The following AMPD1 variants were observed in gnomAD, a reference collection of about 807,000 sequenced individuals.
AMPD1 encodes AMP deaminase 1.
Under a neutral mutation model 82.9 loss-of-function variants are expected in AMPD1, and 74 were observed. That is an observed-to-expected ratio of 0.89 (90% confidence interval 0.74 to 1.08). AMPD1 has a LOEUF of 1.08. Among genes scored for constraint, AMPD1 ranks in the 50% least tolerant of loss-of-function variants. AMPD1 has a pLI of 0.00. For synonymous variants in AMPD1, 333 were observed against 320.5 expected (o/e 1.04, Z -0.42); for missense variants, 881 against 924.5 (o/e 0.95, Z 0.61).
chr1:114,673,773 A>G, intron 14 of AMPD1, 24 bp from the exon 15 acceptor site: 1 of 1,590,386 alleles, frequency 6.3e-7, no homozygotes, highest in Non-Finnish European at 8.6e-7. Flanking sequence ...AAATGAGGAA[A>G]AAAGAGGAGT....
rs762567932 is a variant in AMPD1 at position 114,673,996 on chromosome 1, A to G, written c.1887T>C (p.Tyr629=). ...PLSNNSLFLE[Y]AKNPFLDFLQ... is the part of the protein sequence containing the mutation. ...GGAAATCCAAAAAAGGATTTTTGGC[A>G]TACTCTAGAAATAGGCTATTGTTAC... Residue 629 remains tyrosine (Y), a synonymous_variant, in exon 14 of 16, where the codon TAT becomes TAC. Coordinates refer to ENST00000520113, the MANE Select transcript of AMPD1 (RefSeq NM_000036.3). 1 of 1,613,996 alleles carries G rather than the reference A, an allele frequency of 6.2e-7. No individual in the cohort carries two copies. The highest frequency in any genetic ancestry group is 2.2e-5 in the East Asian group (1 of 44,872).
At chr1:114,674,330 C>T (rs1180311136) in intron 13 of AMPD1, among the ~76,000 whole-genome samples, 5 of 152,024 alleles carry the variant, frequency 3.3e-5, no homozygotes, top group African/African-American at 1.2e-4. Context: ...CTATAATGGC[C>T]TACGTTAGAT....
In AMPD1 at chr1:114,686,540, T is replaced by C. The variant is rs74113509; in HGVS notation, c.381+205A>G. Among the ~76,000 whole-genome samples, 6,450 of 152,248 alleles carry C rather than the reference T, an allele frequency of 0.042. 157 individuals are homozygous for C. The highest frequency in any genetic ancestry group is 0.09 in the South Asian group (433 of 4,830). On this transcript the variant is annotated intron_variant, in intron 4 of 15. Transcript: ENST00000520113. ...ATTCTCCATGTGCAAGCAAATGAGA[T>C]AGAGGATAAATTATGTGGGATGATA... is the stretch of plus-strand genomic sequence containing the variant.
In AMPD1 at chr1:114,684,208, A is replaced by G. The variant is rs777043982; in HGVS notation, c.538T>C (p.Phe180Leu). The G allele has an allele frequency of 1.7e-5, 27 of 1,614,064 alleles. No homozygotes were observed. Among genetic ancestry groups the G allele is most frequent in the African/African-American group, 2.7e-5 (2 of 74,922 alleles). The stretch of plus-strand genomic sequence containing the variant: ...GTAAGAGAATTGTTACCTGGATAGA[A>G]GCTCTCATTTGCTACCCAAGCCTCA... ...DGEAWVANES[F>L]YPVFTPPVKK... The change falls in exon 5 of 16, where the codon TTC (phenylalanine) becomes CTC (leucine). Residue 180 changes from phenylalanine to leucine, a missense_variant. This residue lies in a region of AMPD1 where 783 missense variants were observed against 786.4 expected (regional missense o/e 1.00). Coordinates refer to ENST00000520113, the MANE Select transcript of AMPD1 (RefSeq NM_000036.3).
At chr1:114,685,608 G>A (rs999734393) in intron 4 of AMPD1, among the ~76,000 whole-genome samples, 2 of 151,934 alleles carry the variant, frequency 1.3e-5, no homozygotes, top group African/African-American at 4.8e-5. Context: ...AGCTTTCACA[G>A]GAGGAGAAGT....
intron 2 of AMPD1, chr1:114,688,949 G>A (rs1171510460): frequency 1.3e-6 from 1 of 752,850 alleles, no homozygotes; most frequent in South Asian, 1.4e-5. Context: ...CAGAAACATG[G>A]GTCAGATTCT....
rs1658118010 is a variant in AMPD1, at chr1:114,680,298, T to C, written c.728A>G (p.Asp243Gly). The stretch of plus-strand genomic sequence containing the variant: ...AATTAAAGCAAGTAAAAAATTCATA[T>C]CGTCTAAGAAGGTGTCCAGATTTGG... ...PYPNLDTFLD[D>G]MNFLLALIAQ... The change falls in exon 6 of 16, where the codon GAT becomes GGT. Residue 243 changes from aspartate (D) to glycine (G), a missense_variant. This residue lies in a region of AMPD1 where 783 missense variants were observed against 786.4 expected (regional missense o/e 1.00). Coordinates refer to ENST00000520113, the MANE Select transcript of AMPD1 (RefSeq NM_000036.3). 6.2e-7 allele frequency: 1 copy of C among 1,614,038 alleles called. No individual in the cohort carries two copies. The highest frequency in any genetic ancestry group is 8.5e-7 in the Non-Finnish European group (1 of 1,180,046).
In AMPD1 at chr1:114,693,926, G is replaced by A. The variant is rs1057117746; in HGVS notation, c.23-479C>T. On this transcript the variant is annotated intron_variant, in intron 1 of 15. Coordinates refer to ENST00000520113, the MANE Select transcript of AMPD1 (RefSeq NM_000036.3). ...CTTAAAAAAACCATAAAGAGGCCGG[G>A]TGCAGTGGCTCACGCCTATAATCCT... Among the ~76,000 whole-genome samples, 3 of 152,320 alleles carry A rather than the reference G, an allele frequency of 2.0e-5. No homozygotes were observed. The South Asian group carries it at 6.2e-4, about 32-fold the overall frequency.
rs796921662 is a variant in AMPD1, at chr1:114,691,920, G to A, written c.34+1516C>T. ...AGCCTGGGCGACAGAGCAAGACTCC[G>A]TCTCAAAAATAAAAATAAAAATTAA... On this transcript the variant is annotated intron_variant, in intron 2 of 15. Transcript: ENST00000520113. Among the ~76,000 whole-genome samples, 9 of 151,912 alleles carry A rather than the reference G, an allele frequency of 5.9e-5. No homozygotes were observed. The South Asian group carries it at 6.2e-4, about 11-fold the overall frequency.
Position 114,673,217 on chromosome 1 carries a change from T to C in AMPD1, c.2141A>G (p.Asp714Gly), listed in dbSNP as rs1163392582. The change falls in exon 16 of 16, where the codon GAT becomes GGT. Residue 714 changes from aspartate to glycine, a missense_variant. Physicochemically the swap from Asp to Gly is moderately conservative, Grantham distance 94. Coordinates refer to ENST00000520113, the MANE Select transcript of AMPD1 (RefSeq NM_000036.3). The part of the protein sequence containing the change: ...NYLEEGPAGN[D>G]IRRTNVAQIR... ...TTGGGCTACATTTGTCCTCCGGATA[T>C]CATTTCCAGCAGGGCCTTCCTCAAG... 4 of 1,614,054 alleles carry C rather than the reference T, an allele frequency of 2.5e-6. No homozygotes were observed. The highest frequency in any genetic ancestry group is 2.7e-5 in the African/African-American group (2 of 74,928).
At chr1:114,685,792 C>T (rs890529521) in intron 4 of AMPD1, among the ~76,000 whole-genome samples, 1 of 152,068 alleles carries the variant, frequency 6.6e-6, no homozygotes, top group Non-Finnish European at 1.5e-5. Flanking sequence ...TAGGCATTTC[C>T]TTTTAGTTAT....
intron 6 of AMPD1, 131 bp downstream of exon 6, chr1:114,680,128 G>A (rs944911700): frequency 2.3e-6 from 2 of 852,748 alleles, no homozygotes; most frequent in Non-Finnish European, 3.9e-6. Flanking sequence ...TGCATGAAGG[G>A]CTTAATACAG....
chr1:114,687,912 A>T (rs767727730), intron 3 of AMPD1, among the ~76,000 whole-genome samples: 1 of 152,132 alleles, frequency 6.6e-6, no homozygotes, highest in Admixed American at 6.5e-5. Flanking sequence ...GTCCCAGTTT[A>T]TATTACCATT....
At chr1:114,684,696 A>G (rs567357206) in intron 4 of AMPD1, among the ~76,000 whole-genome samples, 1 of 152,354 alleles carries the variant, frequency 6.6e-6, no homozygotes, top group African/African-American at 2.4e-5. Context: ...AACATGGTAT[A>G]TACTTTCTTC....
chr1:114,686,683 C>T, intron 4 of AMPD1, 62 bp downstream of exon 4: 2 of 1,571,888 alleles, frequency 1.3e-6, no homozygotes, highest in Non-Finnish European at 1.8e-6. Context: ...AGGCAAGGAG[C>T]TAGAACTGTC....
At position 114,675,700 on chromosome 1, in the gene AMPD1, G is replaced by T. The variant is rs1657961612; in HGVS notation, c.1516-7C>A. ...CACTGTCAAAGCCAGTGATCTGTTA[G>T]GAAAAGTGAGCCATGCAATGGGTTC... On this transcript the variant is annotated splice_region_variant and splice_polypyrimidine_tract_variant and intron_variant, in intron 11 of 15. Coordinates refer to ENST00000520113, the MANE Select transcript of AMPD1 (RefSeq NM_000036.3). 1 of 1,614,002 alleles carries T rather than the reference G, an allele frequency of 6.2e-7. No individual in the cohort carries two copies. The highest frequency in any genetic ancestry group is 8.5e-7 in the Non-Finnish European group (1 of 1,180,030).
chr1:114,675,829 A>C (rs745970850), intron 11 of AMPD1, 48 bp downstream of exon 11: 1 of 1,613,906 alleles, frequency 6.2e-7, no homozygotes, highest in Non-Finnish European at 8.5e-7. Context: ...CCAGGTAGGA[A>C]GGCTGGTTCA....
chr1:114,673,510 G>C (rs1221973352), intron 15 of AMPD1, 129 bp downstream of exon 15: 3 of 895,046 alleles, frequency 3.4e-6, no homozygotes, highest in Non-Finnish European at 5.4e-6. Context: ...ATCCCTTCTA[G>C]TCCCTGTCCA....
intron 8 of AMPD1, 90 bp downstream of exon 8, chr1:114,678,243 A>G (rs1658057803): frequency 6.5e-7 from 1 of 1,530,300 alleles, no homozygotes; most frequent in Admixed American, 1.7e-5. Flanking sequence ...CAAGATGGTT[A>G]AGAGACCTCT....
Sources: gnomAD v4.1 joint callset for allele counts (sites outside exome capture counted in the v4.1 genomes callset) on GRCh38, gnomAD v4.1.1 for gene constraint, gnomAD v4.1.1 regional missense constraint, MANE v1.5 for transcripts, NCBI Gene and HGNC (gene_info 2026-07-23, HGNC 2026-07-21) for gene names.